ATF7IP2: variants seen among roughly 807,000 people sequenced by gnomAD.
ATF7IP2 encodes the protein activating transcription factor 7-interacting protein 2.
A neutral mutation model predicts 64.2 loss-of-function variants in ATF7IP2; 42 were observed. The observed-to-expected ratio is 0.65, with a 90% CI of 0.51 to 0.85. The LOEUF is 0.85. Among genes scored for constraint, ATF7IP2 ranks in the 40% least tolerant of loss-of-function variants. ATF7IP2 has a pLI of 0.00. For missense variants in ATF7IP2, 933 were observed against 784.2 expected (o/e 1.19, Z -2.27); for synonymous variants, 308 against 272.8 (o/e 1.13, Z -1.27).
At chr16:10,387,512 T>C (rs2047225680) in intron 1 of ATF7IP2, 1 of 152,258 alleles carries the variant, frequency 6.6e-6, no homozygotes, top group South Asian at 2.1e-4. Context: ...TTGAATGTTC[T>C]GCTTTCCTTG....
At chr16:10,403,919 C>G (rs2047584029) in intron 1 of ATF7IP2, among the ~76,000 whole-genome samples, 1 of 152,024 alleles carries the variant, frequency 6.6e-6, no homozygotes, top group Non-Finnish European at 1.5e-5. Flanking sequence ...CTGAAGAAGG[C>G]CTTTGAAACA....
intron 6 of ATF7IP2, among the ~76,000 whole-genome samples, chr16:10,434,727 CAAG>C (rs1233815192): frequency 2.6e-5 from 4 of 152,144 alleles, no homozygotes; most frequent in South Asian, 2.1e-4. Context: ...CCATGTTATT[CAAG>C]AAGAAGGTTG....
intron 1 of ATF7IP2, among the ~76,000 whole-genome samples, chr16:10,397,028 C>G (rs537064641): frequency 1.3e-5 from 2 of 152,180 alleles, no homozygotes; most frequent in South Asian, 2.1e-4. Flanking sequence ...GAGATACTGC[C>G]TAGTTTCTTC....
chr16:10,470,349 C>CAAAGT (rs2142062402), intron 9 of ATF7IP2, among the ~76,000 whole-genome samples: 1 of 152,142 alleles, frequency 6.6e-6, no homozygotes, highest in East Asian at 1.9e-4. Context: ...CCTAAAACTA[C>CAAAGT]AAAGTATTAC....
At chr16:10,474,082 A>C in intron 12 of ATF7IP2, 93 bp downstream of exon 12, 1 of 800,480 alleles carries the variant, frequency 1.2e-6, no homozygotes. Context: ...TTGTTTTAAT[A>C]TGTGAGTGTG....
intron 1 of ATF7IP2, among the ~76,000 whole-genome samples, chr16:10,410,085 G>C (rs2047723553): frequency 6.6e-6 from 1 of 152,020 alleles, no homozygotes; most frequent in Admixed American, 6.6e-5. Flanking sequence ...ATGAATTTAG[G>C]ATTCTTTTTT....
At chr16:10,473,785 A>G in intron 11 of ATF7IP2, 138 bp from the exon 12 acceptor site, 1 of 643,016 alleles carries the variant, frequency 1.6e-6, no homozygotes, top group Non-Finnish European at 2.7e-6. Context: ...ACCACAAGAG[A>G]CTTAGAGAAT....
intron 1 of ATF7IP2, among the ~76,000 whole-genome samples, chr16:10,399,584 C>G (rs2047487796): frequency 6.6e-6 from 1 of 152,112 alleles, no homozygotes; most frequent in Admixed American, 6.5e-5. Context: ...TGATTACCAT[C>G]AGCTTTGTGT....
At chr16:10,430,343 A>T (rs2048202825) in intron 4 of ATF7IP2, among the ~76,000 whole-genome samples, 1 of 152,238 alleles carries the variant, frequency 6.6e-6, no homozygotes, top group African/African-American at 2.4e-5. Context: ...TGATATAACA[A>T]GAAGTGGCTA....
chr16:10,407,028 A>G (rs563545233), intron 1 of ATF7IP2, among the ~76,000 whole-genome samples: 2 of 152,240 alleles, frequency 1.3e-5, no homozygotes, highest in Admixed American at 1.3e-4. Context: ...ACAGTGCATG[A>G]AGAAGATTAT....
intron 1 of ATF7IP2, chr16:10,386,874 T>G (rs1397028357): frequency 6.6e-6 from 1 of 152,258 alleles, no homozygotes; most frequent in Non-Finnish European, 1.5e-5. Flanking sequence ...GCCTTATTTT[T>G]GTTAAAACCT....
chr16:10,440,918 C>G (rs1268478967), intron 8 of ATF7IP2, among the ~76,000 whole-genome samples: 1 of 152,148 alleles, frequency 6.6e-6, no homozygotes, highest in Non-Finnish European at 1.5e-5. Context: ...CACCCCCTGA[C>G]AGGCCCTGGT....
chr16:10,412,021 T>G lies in ATF7IP2; in HGVS notation c.-241-2553T>G, dbSNP rs796178886. Among the ~76,000 whole-genome samples, 663 of 108,766 alleles carry G rather than the reference T, an allele frequency of 6.1e-3. 20 individuals are homozygous for G. The highest frequency in any genetic ancestry group is 0.019 in the African/African-American group (457 of 24,686). 71.4% of individuals were successfully genotyped at this position (108,766 alleles called of 152,430 possible). A position where few individuals can be genotyped will look rare whatever the true frequency, so the allele number is the denominator to read the frequency against. Reference sequence around the variant, plus strand: ...ATTTATCTTTTTTTGTTTTTTTTTTTTTTTTTTTTTTTTTTTTTACACTTT... The same window carrying G: ...ATTTATCTTTTTTTGTTTTTTTTTTGTTTTTTTTTTTTTTTTTTACACTTT... On this transcript the variant is annotated intron_variant, in intron 1 of 13. Coordinates refer to ENST00000562102, the MANE Select transcript of ATF7IP2 (RefSeq NM_001393719.1).
intron 8 of ATF7IP2, chr16:10,454,043 A>G (rs1420170392): frequency 2.7e-5 from 4 of 150,924 alleles, no homozygotes; most frequent in Non-Finnish European, 4.4e-5. Flanking sequence ...TCAGTTTTGC[A>G]AGTTATCTTT....
chr16:10,424,706 A>T (rs973334876), intron 3 of ATF7IP2, among the ~76,000 whole-genome samples: 3 of 152,216 alleles, frequency 2.0e-5, no homozygotes, highest in South Asian at 2.1e-4. Context: ...TCCAAAGAAG[A>T]TGCACAAGCC....
intron 8 of ATF7IP2, among the ~76,000 whole-genome samples, chr16:10,455,748 C>T (rs1289710276): frequency 2.0e-5 from 3 of 152,180 alleles, no homozygotes; most frequent in Non-Finnish European, 4.4e-5. Context: ...GAAAACCTAC[C>T]ATGGACTTAA....
At chr16:10,428,000 G>A (rs562341844) in intron 3 of ATF7IP2, among the ~76,000 whole-genome samples, 43 of 152,226 alleles carry the variant, frequency 2.8e-4, no homozygotes, top group African/African-American at 9.9e-4. Flanking sequence ...GATGAATTTT[G>A]TACATATACA....
intron 8 of ATF7IP2, chr16:10,446,055 C>CA (rs2048792763): frequency 6.6e-6 from 1 of 152,206 alleles, no homozygotes; most frequent in African/African-American, 2.4e-5. Context: ...AGGGCTACTT[C>CA]AAGCCCTACT....
At chr16:10,477,073 T>A (rs866871016) in intron 12 of ATF7IP2, among the ~76,000 whole-genome samples, 2 of 152,114 alleles carry the variant, frequency 1.3e-5, no homozygotes, top group African/African-American at 4.8e-5. Context: ...CAAAACCAAT[T>A]GCAACAAAAG....
Sources: allele counts gnomAD v4.1 joint callset (sites outside exome capture counted in the v4.1 genomes callset), GRCh38; gene constraint gnomAD v4.1.1; transcripts MANE v1.5; gene names NCBI Gene and HGNC (gene_info 2026-07-23, HGNC 2026-07-21).